SYTL3: variants seen among roughly 807,000 people sequenced by gnomAD.
The protein encoded by SYTL3 is synaptotagmin-like protein 3.
A neutral mutation model predicts 82.1 loss-of-function variants in SYTL3; 88 were observed. The ratio of observed to expected loss-of-function variants is 1.07; its 90% CI spans 0.90 to 1.28. The LOEUF (loss-of-function observed/expected upper bound fraction) is 1.28, where lower values mean the gene tolerates loss of function less well. SYTL3 is among the 50% of genes most tolerant of loss of function. The pLI is 0.00. For synonymous variants in SYTL3, 311 were observed against 289.4 expected (o/e 1.07, Z -0.76); for missense variants, 831 against 757.6 (o/e 1.10, Z -1.14).
intron 6 of SYTL3, among the ~76,000 whole-genome samples, chr6:158,683,804 T>C (rs1778995486): frequency 6.6e-6 from 1 of 152,176 alleles, no homozygotes; most frequent in African/African-American, 2.4e-5. Context: ...CCACAGTGAG[T>C]GAAGAGCGTT....
upstream of SYTL3, among the ~76,000 whole-genome samples, chr6:158,648,431 A>G (rs1182261201): frequency 6.6e-6 from 1 of 151,656 alleles, no homozygotes; most frequent in Non-Finnish European, 1.5e-5. Flanking sequence ...ATCTACTAAA[A>G]ATACAAAAAA....
At chr6:158,657,425 C>CAAAAAAAAAAAAAAAAAAAAAAAAAA (rs535361947) in intron 2 of SYTL3, among the ~76,000 whole-genome samples, 1 of 80,112 alleles carries the variant, frequency 1.2e-5, no homozygotes, top group Non-Finnish European at 2.4e-5. Context: ...GACTCTGGCT[C>CAAAAAAAAAAAAAAAAAAAAAAAAAA]AAAAAAAAAA....
intron 13 of SYTL3, among the ~76,000 whole-genome samples, chr6:158,752,391 CAG>C (rs769891907): frequency 3.3e-5 from 5 of 152,204 alleles, no homozygotes; most frequent in Non-Finnish European, 7.3e-5. Context: ...TGCTCTCAGA[CAG>C]AGTGCCCTGA....
chr6:158,761,120 G>A (rs779383536), intron 15 of SYTL3, among the ~76,000 whole-genome samples: 28 of 152,026 alleles, frequency 1.8e-4, no homozygotes, highest in Non-Finnish European at 3.5e-4. Flanking sequence ...GGGCTCAGAC[G>A]AGATAAATCC....
At chr6:158,758,097 G>T (rs1789383681) in intron 14 of SYTL3, among the ~76,000 whole-genome samples, 1 of 152,180 alleles carries the variant, frequency 6.6e-6, no homozygotes. Flanking sequence ...GAGAGTTCAT[G>T]TGAGACCACG....
chr6:158,724,316 A>C (rs2128479002), intron 10 of SYTL3, among the ~76,000 whole-genome samples: 1 of 152,354 alleles, frequency 6.6e-6, no homozygotes, highest in Non-Finnish European at 1.5e-5. Context: ...TGGGGATGGA[A>C]AGCATAAATA....
chr6:158,702,811 G>A (rs762003172), intron 6 of SYTL3, among the ~76,000 whole-genome samples: 17 of 151,772 alleles, frequency 1.1e-4, no homozygotes, highest in South Asian at 2.1e-4. Context: ...ACTTGTAGAC[G>A]TTGTGACTTT....
At chr6:158,715,807 A>C (rs996838978) in intron 9 of SYTL3, among the ~76,000 whole-genome samples, 9 of 151,790 alleles carry the variant, frequency 5.9e-5, no homozygotes, top group Admixed American at 2.0e-4. Context: ...CTGCCACAGG[A>C]CACTTAGCGT....
intron 6 of SYTL3, among the ~76,000 whole-genome samples, chr6:158,706,522 T>C (rs1782114747): frequency 6.6e-6 from 1 of 152,136 alleles, no homozygotes; most frequent in Non-Finnish European, 1.5e-5. Flanking sequence ...GGTCTGTGTA[T>C]TGGGCAGAGT....
At chr6:158,695,478 C>T (rs566498752) in intron 6 of SYTL3, among the ~76,000 whole-genome samples, 1 of 152,222 alleles carries the variant, frequency 6.6e-6, no homozygotes, top group South Asian at 2.1e-4. Flanking sequence ...CACATATATA[C>T]TTAAATAGGA....
intron 6 of SYTL3, among the ~76,000 whole-genome samples, chr6:158,690,092 C>T (rs1441143832): frequency 6.6e-6 from 1 of 152,258 alleles, no homozygotes; most frequent in African/African-American, 2.4e-5. Context: ...TGGGGCACCA[C>T]TCTCCTTGTG....
chr6:158,706,087 T>C (rs1782059336), intron 6 of SYTL3, among the ~76,000 whole-genome samples: 1 of 152,120 alleles, frequency 6.6e-6, no homozygotes, highest in African/African-American at 2.4e-5. Flanking sequence ...TTGTACCTTT[T>C]CATTCTGTCT....
intron 14 of SYTL3, among the ~76,000 whole-genome samples, chr6:158,758,767 C>T (rs1562471378): frequency 6.6e-6 from 1 of 152,246 alleles, no homozygotes; most frequent in Non-Finnish European, 1.5e-5. Flanking sequence ...TATCCAAGGT[C>T]AGCCCAAGAC....
chr6:158,672,381 T>C (rs1372426985), intron 5 of SYTL3, among the ~76,000 whole-genome samples: 1 of 152,212 alleles, frequency 6.6e-6, no homozygotes, highest in Non-Finnish European at 1.5e-5. Flanking sequence ...TCTTCCTTCA[T>C]GAGGAATGAT....
chr6:158,675,514 C>T (rs369056765), intron 5 of SYTL3, among the ~76,000 whole-genome samples: 4 of 151,950 alleles, frequency 2.6e-5, no homozygotes, highest in South Asian at 2.1e-4. Context: ...ATTTTAGATG[C>T]GAGACTAGTT....
chr6:158,681,750 A>G (rs569284525), intron 5 of SYTL3, among the ~76,000 whole-genome samples: 1 of 152,322 alleles, frequency 6.6e-6, no homozygotes, highest in East Asian at 1.9e-4. Flanking sequence ...CATATTCCAT[A>G]CTTCAGGTCC....
intron 13 of SYTL3, 135 bp downstream of exon 13, chr6:158,752,165 C>T (rs1788482675): frequency 7.9e-6 from 4 of 504,094 alleles, no homozygotes; most frequent in Non-Finnish European, 1.4e-5. Flanking sequence ...TGTTTCTTCG[C>T]AGCTCTGTCA....
chr6:158,700,791 T>C (rs1781115026), intron 6 of SYTL3, among the ~76,000 whole-genome samples: 1 of 152,162 alleles, frequency 6.6e-6, no homozygotes, highest in South Asian at 2.1e-4. Flanking sequence ...TAATTTTTTG[T>C]ACTTTTAGTA....
Position 158,757,202 on chromosome 6 carries a change from C to T in SYTL3, c.1138-9C>T. 3 of 1,606,838 alleles carry T rather than the reference C, an allele frequency of 1.9e-6. No individual in the cohort carries two copies. Among genetic ancestry groups the T allele is most frequent in the Non-Finnish European group, 1.7e-6 (2 of 1,179,356 alleles). On this transcript the variant is annotated splice_polypyrimidine_tract_variant and intron_variant, in intron 13 of 17. Coordinates refer to ENST00000611299, the MANE Select transcript of SYTL3 (RefSeq NM_001242394.2). ...AGCCCAGCTGACCATCTCTTCCTTG[C>T]CTCTGCAGTATCAGGTGGCCCCTGC...
Sources: gnomAD v4.1 joint callset for allele counts (sites outside exome capture counted in the v4.1 genomes callset) on GRCh38, gnomAD v4.1.1 for gene constraint, MANE v1.5 for transcripts, NCBI Gene and HGNC (gene_info 2026-07-23, HGNC 2026-07-21) for gene names.